MYO9A: variants seen among roughly 807,000 people sequenced by gnomAD.
MYO9A encodes unconventional myosin-IXa.
A neutral mutation model predicts 293.3 loss-of-function variants in MYO9A; 103 were observed. That is an observed-to-expected ratio of 0.35 (90% CI 0.30 to 0.41). MYO9A has a LOEUF of 0.41. Ranked by LOEUF, MYO9A falls within the 10% of genes least tolerant of loss-of-function variation. The pLI is 1.00. For synonymous variants in MYO9A, 1,001 were observed against 1,035.7 expected (o/e 0.97, Z 0.64); for missense variants, 2,685 against 3,033.0 (o/e 0.89, Z 2.69).
At chr15:71,830,625 T>A (rs908964583) in intron 39 of MYO9A, among the ~76,000 whole-genome samples, 7 of 152,220 alleles carry the variant, frequency 4.6e-5, no homozygotes, top group Admixed American at 2.6e-4. Context: ...TCTGGGTATT[T>A]ATTTTTAAAT....
rs1205113098 is a variant in MYO9A, at chr15:72,117,768, G to A, written c.-160C>T. On this transcript the variant is annotated 5_prime_UTR_variant, in exon 1 of 42. Transcript: ENST00000356056. ...TCCGCCCCAGGGTAGGACCGGAGAT[G>A]GCAGAAGAGGCCGAGGCCACCGAGG... The A allele has an allele frequency of 5.0e-6, 2 of 397,934 alleles. No homozygotes were observed. Among genetic ancestry groups the A allele is most frequent in the African/African-American group, 4.1e-5 (2 of 48,566 alleles). 24.7% of individuals were successfully genotyped at this position (397,934 alleles called of 1,614,324 possible). A position where few individuals can be genotyped will look rare whatever the true frequency, so the allele number is the denominator to read the frequency against.
At chr15:71,952,180 A>T (rs1260302577) in intron 14 of MYO9A, among the ~76,000 whole-genome samples, 1 of 151,916 alleles carries the variant, frequency 6.6e-6, no homozygotes, top group Admixed American at 6.5e-5. Flanking sequence ...ATACAAGCAA[A>T]AATTCAAAAG....
intron 24 of MYO9A, 69 bp from the exon 25 acceptor site, chr15:71,899,101 A>G: frequency 7.3e-7 from 1 of 1,366,994 alleles, no homozygotes; most frequent in Non-Finnish European, 9.9e-7. Context: ...ATATTTCCTG[A>G]GAATTTAAGA....
intron 13 of MYO9A, among the ~76,000 whole-genome samples, chr15:71,966,366 G>A (rs2075878434): frequency 6.6e-6 from 1 of 150,776 alleles, no homozygotes; most frequent in South Asian, 2.1e-4. Context: ...AAAAATTAGG[G>A]CAGTGGTAAT....
intron 14 of MYO9A, among the ~76,000 whole-genome samples, chr15:71,956,330 A>ATATATATATATCTATATAT (rs1555490831): frequency 1.3e-5 from 1 of 75,584 alleles, no homozygotes; most frequent in Non-Finnish European, 2.3e-5. Flanking sequence ...AAAAAAAAAA[A>ATATATATATATCTATATAT]ATATATATAT....
intron 15 of MYO9A, among the ~76,000 whole-genome samples, chr15:71,950,758 T>C (rs2059030531): frequency 6.6e-6 from 1 of 152,374 alleles, no homozygotes; most frequent in East Asian, 1.9e-4. Flanking sequence ...ATTCTACTTA[T>C]ATTCTCCTCT....
At chr15:71,836,539 C>A (rs2054949592) in intron 39 of MYO9A, among the ~76,000 whole-genome samples, 1 of 151,980 alleles carries the variant, frequency 6.6e-6, no homozygotes, top group African/African-American at 2.4e-5. Context: ...ATGTATGAGT[C>A]CATTAAAATC....
chr15:71,956,853 ACACAC>A (rs1357275651), intron 14 of MYO9A, among the ~76,000 whole-genome samples: 2 of 89,638 alleles, frequency 2.2e-5, no homozygotes, highest in African/African-American at 8.1e-5. Context: ...ACACACACAC[ACACAC>A]AAATATATAT....
intron 15 of MYO9A, among the ~76,000 whole-genome samples, chr15:71,944,783 G>C (rs959760441): frequency 4.6e-5 from 7 of 151,948 alleles, no homozygotes; most frequent in African/African-American, 1.7e-4. Context: ...ATCCAGCTTT[G>C]TTCTGTTTAA....
At chr15:71,877,257 A>G (rs2056722131) in intron 31 of MYO9A, among the ~76,000 whole-genome samples, 1 of 152,208 alleles carries the variant, frequency 6.6e-6, no homozygotes, top group Non-Finnish European at 1.5e-5. Flanking sequence ...AATAAAATAC[A>G]CAACACCGAG....
At chr15:71,956,351 A>ATATATATATATATAT (rs71133937) in intron 14 of MYO9A, among the ~76,000 whole-genome samples, 2 of 130,686 alleles carry the variant, frequency 1.5e-5, no homozygotes, top group Non-Finnish European at 3.2e-5. Context: ...ATATATATAT[A>ATATATATATATATAT]AAATACGCCC....
chr15:72,001,567 A>AT (rs1555501226), intron 8 of MYO9A, among the ~76,000 whole-genome samples: 2 of 151,582 alleles, frequency 1.3e-5, no homozygotes. Context: ...AAAAAAAAAA[A>AT]AAAAAATAGA....
chr15:71,968,175 T>A, intron 12 of MYO9A, 50 bp from the exon 13 acceptor site: 1 of 1,458,234 alleles, frequency 6.9e-7, no homozygotes, highest in Non-Finnish European at 9.2e-7. Context: ...ATGAGAAAGA[T>A]GCGGTAATTA....
intron 19 of MYO9A, among the ~76,000 whole-genome samples, chr15:71,914,000 A>G (rs559638840): frequency 3.9e-5 from 6 of 152,220 alleles, no homozygotes; most frequent in South Asian, 2.1e-4. Flanking sequence ...TCTTTCCCCA[A>G]TCTCATGGAA....
intron 27 of MYO9A, among the ~76,000 whole-genome samples, chr15:71,884,169 C>T (rs957846242): frequency 6.6e-6 from 1 of 152,082 alleles, no homozygotes; most frequent in African/African-American, 2.4e-5. Context: ...AAAGAAATCA[C>T]GAATAATCCT....
At position 72,041,922 on chromosome 15, in the gene MYO9A, A is replaced by G. The variant is rs576411035; in HGVS notation, c.840+3802T>C. On this transcript the variant is annotated intron_variant, in intron 2 of 41. Transcript: ENST00000356056. ...TAATAATAATCACATGAATAACTCT[A>G]TATCTACTTTTAAAATTGAAACCTT... Among the ~76,000 whole-genome samples, 50 of 151,792 alleles carry G rather than the reference A, an allele frequency of 3.3e-4. 1 individual carries two copies. Among genetic ancestry groups the G allele is most frequent in the South Asian group, 1.7e-3 (8 of 4,818 alleles).
At chr15:72,111,485 T>C (rs2080777317) in intron 1 of MYO9A, among the ~76,000 whole-genome samples, 1 of 134,938 alleles carries the variant, frequency 7.4e-6, no homozygotes, top group Non-Finnish European at 1.6e-5. Flanking sequence ...TGAGATTGTC[T>C]TAAAAAAAAA....
intron 32 of MYO9A, among the ~76,000 whole-genome samples, chr15:71,869,523 T>C (rs149572837): frequency 6.6e-6 from 1 of 152,338 alleles, no homozygotes; most frequent in African/African-American, 2.4e-5. Context: ...CAATTAAGTG[T>C]AACAAATATC....
At chr15:72,010,000 A>G (rs889693564) in intron 7 of MYO9A, among the ~76,000 whole-genome samples, 3 of 152,198 alleles carry the variant, frequency 2.0e-5, no homozygotes, top group African/African-American at 4.8e-5. Flanking sequence ...GCATAATTTA[A>G]TAAGATTAGA....
Sources: gnomAD v4.1 joint callset for allele counts (sites outside exome capture counted in the v4.1 genomes callset) on GRCh38, gnomAD v4.1.1 for gene constraint, MANE v1.5 for transcripts, NCBI Gene and HGNC (gene_info 2026-07-23, HGNC 2026-07-21) for gene names.